The following ADAMTSL1 variants were observed in gnomAD, a reference collection of about 807,000 sequenced individuals.
The protein encoded by ADAMTSL1 is ADAMTS-like protein 1.
ADAMTSL1 carries 126 observed loss-of-function variants against 201.8 expected under a neutral mutation model. The ratio of observed to expected loss-of-function variants is 0.62; its 90% CI spans 0.54 to 0.72. ADAMTSL1 has a LOEUF of 0.72. Among genes scored for constraint, ADAMTSL1 ranks in the 30% least tolerant of loss-of-function variants. The pLI is 0.00. For missense variants in ADAMTSL1, 2,679 were observed against 2,277.8 expected (o/e 1.18, Z -3.59); for synonymous variants, 1,121 against 903.4 (o/e 1.24, Z -4.32).
intron 1 of ADAMTSL1, among the ~76,000 whole-genome samples, chr9:18,054,925 T>C (rs1822108818): frequency 3.9e-5 from 6 of 152,148 alleles, no homozygotes; most frequent in Admixed American, 6.5e-5. Context: ...GGTCCAACTA[T>C]TTATTTGGAA....
intron 1 of ADAMTSL1, among the ~76,000 whole-genome samples, chr9:18,064,948 C>G (rs1376557916): frequency 8.6e-6 from 1 of 116,212 alleles, no homozygotes; most frequent in African/African-American, 3.2e-5. Context: ...GCAGTATTTG[C>G]TAAAGATTTT....
chr9:18,406,352 G>T (rs117766170), intron 2 of ADAMTSL1, among the ~76,000 whole-genome samples: 17 of 45,800 alleles, frequency 3.7e-4, no homozygotes, highest in African/African-American at 9.8e-4. Context: ...TTTTTGACAT[G>T]GACTCTCACT....
chr9:18,550,906 A>C (rs940305076), intron 3 of ADAMTSL1, among the ~76,000 whole-genome samples: 3 of 151,942 alleles, frequency 2.0e-5, no homozygotes, highest in African/African-American at 7.2e-5. Context: ...TGGGAAGAAA[A>C]TGGAAACACA....
intron 1 of ADAMTSL1, among the ~76,000 whole-genome samples, chr9:17,923,516 G>C (rs1428406481): frequency 5.9e-5 from 9 of 152,014 alleles, no homozygotes; most frequent in African/African-American, 2.2e-4. Context: ...TGCTGAAGGA[G>C]ATTTTGGGCT....
At chr9:17,959,892 C>T (rs1371413186) in intron 1 of ADAMTSL1, among the ~76,000 whole-genome samples, 1 of 152,088 alleles carries the variant, frequency 6.6e-6, no homozygotes, top group African/African-American at 2.4e-5. Flanking sequence ...TATGACCTTC[C>T]AACAATGATT....
intron 23 of ADAMTSL1, among the ~76,000 whole-genome samples, chr9:18,866,678 A>G (rs986186232): frequency 1.3e-5 from 2 of 152,232 alleles, no homozygotes; most frequent in Admixed American, 1.3e-4. Context: ...CTCAGGAATG[A>G]GAGGCTATGT....
chr9:18,444,615 T>C (rs1165159013), intron 2 of ADAMTSL1, among the ~76,000 whole-genome samples: 1 of 152,156 alleles, frequency 6.6e-6, no homozygotes, highest in Non-Finnish European at 1.5e-5. Context: ...TTAGTTTCTA[T>C]TGTAAGAATA....
chr9:18,181,355 C>A (rs576030546), intron 2 of ADAMTSL1, among the ~76,000 whole-genome samples: 7 of 152,232 alleles, frequency 4.6e-5, no homozygotes, highest in Admixed American at 3.9e-4. Flanking sequence ...AGGCAATCTA[C>A]AAAATGGGAG....
chr9:17,947,014 A>G (rs570038062), intron 1 of ADAMTSL1, among the ~76,000 whole-genome samples: 7 of 152,246 alleles, frequency 4.6e-5, no homozygotes, highest in Admixed American at 3.3e-4. Context: ...CCAACTGATG[A>G]TAAAGGAGCA....
At chr9:18,168,977 GT>G (rs1162662595) in intron 2 of ADAMTSL1, among the ~76,000 whole-genome samples, 1 of 148,104 alleles carries the variant, frequency 6.8e-6, no homozygotes, top group African/African-American at 2.5e-5. Flanking sequence ...GGGGTTGTTT[GT>G]TTTTTCTTGT....
chr9:18,700,311 CT>C (rs1057501270), intron 13 of ADAMTSL1, among the ~76,000 whole-genome samples: 2 of 151,832 alleles, frequency 1.3e-5, no homozygotes, highest in African/African-American at 2.4e-5. Flanking sequence ...TTATTTAAAA[CT>C]TTTTTTTGAC....
At chr9:18,190,948 C>T (rs996112192) in intron 2 of ADAMTSL1, among the ~76,000 whole-genome samples, 4 of 152,132 alleles carry the variant, frequency 2.6e-5, no homozygotes, top group Non-Finnish European at 5.9e-5. Context: ...TGTTAACTGG[C>T]CTACAGGTGT....
At chr9:18,627,959 G>C (rs987804139) in intron 5 of ADAMTSL1, among the ~76,000 whole-genome samples, 2 of 152,146 alleles carry the variant, frequency 1.3e-5, no homozygotes, top group Non-Finnish European at 2.9e-5. Context: ...ACTTTCTCTT[G>C]TTGAGTTTTG....
rs191409796 is a variant in ADAMTSL1, at chr9:18,574,365, C to T, written c.474+99C>T. ...TCACTCTCTGAATCACTCATCTTTA[C>T]ACTTTTTAGAGTTTGTAAATGGTGA... is the stretch of plus-strand genomic sequence containing the variant. On this transcript the variant is annotated intron_variant, in intron 4 of 28. Transcript: ENST00000380548. 6.6e-5 allele frequency: 71 copies of T among 1,080,706 alleles called. No homozygotes were observed. In the African/African-American group the frequency reaches 7.0e-4, roughly 11 times the overall value. 66.9% of individuals were successfully genotyped at this position (1,080,706 alleles called of 1,614,324 possible).
chr9:18,273,738 C>T (rs1832477014), intron 2 of ADAMTSL1, among the ~76,000 whole-genome samples: 3 of 152,136 alleles, frequency 2.0e-5, no homozygotes, highest in African/African-American at 7.2e-5. Context: ...ACCATGTGGT[C>T]AACTTCATCC....
chr9:18,508,607 C>T (rs12001313), intron 2 of ADAMTSL1, among the ~76,000 whole-genome samples: 7 of 152,162 alleles, frequency 4.6e-5, no homozygotes, highest in Non-Finnish European at 1.0e-4. Flanking sequence ...GTTACAGCCT[C>T]ATGTTTCAAA....
intron 2 of ADAMTSL1, among the ~76,000 whole-genome samples, chr9:18,463,187 T>C (rs1301245477): frequency 6.6e-6 from 1 of 152,168 alleles, no homozygotes; most frequent in Admixed American, 6.5e-5. Context: ...TTGTGTCTTT[T>C]TTGAAACTTA....
intron 2 of ADAMTSL1, among the ~76,000 whole-genome samples, chr9:18,271,842 T>C (rs143107730): frequency 0.052 from 7,859 of 152,046 alleles, 268 homozygotes; most frequent in Non-Finnish European, 0.073. Flanking sequence ...CACCTGTTGT[T>C]TCCTGACTCT....
intron 22 of ADAMTSL1, among the ~76,000 whole-genome samples, chr9:18,829,283 A>T (rs1317739324): frequency 6.6e-6 from 1 of 152,192 alleles, no homozygotes; most frequent in Non-Finnish European, 1.5e-5. Context: ...TCTAGGTCCT[A>T]CTTAGGCATA....
Sources: gnomAD v4.1 joint callset for allele counts (sites outside exome capture counted in the v4.1 genomes callset) on GRCh38, gnomAD v4.1.1 for gene constraint, MANE v1.5 for transcripts, NCBI Gene and HGNC (gene_info 2026-07-23, HGNC 2026-07-21) for gene names.